The following RUNX1 variants were observed in gnomAD, a reference collection of about 807,000 sequenced individuals.
RUNX1 encodes RUNX family transcription factor 1, also known as runt-related transcription factor 1.
RUNX1 carries 19 observed loss-of-function variants against 42.8 expected under a neutral mutation model. The ratio of observed to expected loss-of-function variants is 0.44; its 90% CI spans 0.31 to 0.65. The LOEUF (loss-of-function observed/expected upper bound fraction) is 0.65, where lower values mean the gene tolerates loss of function less well. Among genes scored for constraint, RUNX1 ranks in the 30% least tolerant of loss-of-function variants. The pLI, the probability that RUNX1 is intolerant of heterozygous loss-of-function variation, is 0.07. For missense variants in RUNX1, 528 were observed against 672.0 expected, an observed-to-expected ratio of 0.79 and a Z score of 2.37; for synonymous variants, 271 against 289.4, an observed-to-expected ratio of 0.94 and a Z score of 0.64.
At chr21:34,966,044 A>T (rs564278042) in intron 2 of RUNX1, among the ~76,000 whole-genome samples, 1 of 149,666 alleles carries the variant, frequency 6.7e-6, no homozygotes, top group East Asian at 1.9e-4. Flanking sequence ...GGAGAAAGGC[A>T]CATTGGTGAG....
intron 6 of RUNX1, chr21:34,856,272 T>C (rs894460904): frequency 1.7e-5 from 8 of 481,218 alleles, no homozygotes; most frequent in Non-Finnish European, 3.3e-5. Flanking sequence ...AGATAACTGC[T>C]TTATTTAGTT....
chr21:34,851,992 C>T (rs1411746652), intron 6 of RUNX1, among the ~76,000 whole-genome samples: 1 of 152,076 alleles, frequency 6.6e-6, no homozygotes, highest in Non-Finnish European at 1.5e-5. Context: ...CACAGTGAAA[C>T]CCCATCTCTA....
chr21:34,967,797 G>A (rs2058732355), intron 2 of RUNX1, among the ~76,000 whole-genome samples: 1 of 152,152 alleles, frequency 6.6e-6, no homozygotes, highest in South Asian at 2.1e-4. Context: ...ACTCACTAGG[G>A]CAACTGCCTT....
rs571850156 is a variant in RUNX1 at position 35,011,039 on chromosome 21, C to T, written c.58+37803G>A. Reference sequence around the variant, plus strand: ...AGATACCACTACCAAAATCAAAATGCTATAAATAGAATGATATCTTTTGTT... The same window carrying T: ...AGATACCACTACCAAAATCAAAATGTTATAAATAGAATGATATCTTTTGTT... On this transcript the variant is annotated intron_variant, in intron 2 of 8. Coordinates refer to ENST00000675419, the MANE Select transcript of RUNX1 (RefSeq NM_001754.5). Among the ~76,000 whole-genome samples the T allele has an allele frequency of 7.2e-5, 11 of 152,260 alleles. No homozygotes were observed. The East Asian group carries it at 2.1e-3, about 29-fold the overall frequency.
rs1489677703 is a variant in RUNX1, at chr21:34,791,924, C to T, written c.*211G>A. On this transcript the variant is annotated 3_prime_UTR_variant, in exon 9 of 9. Coordinates refer to ENST00000675419, the MANE Select transcript of RUNX1 (RefSeq NM_001754.5). ...GGACACCTCCGCGAGGGCCGGGGCG[C>T]CAGCAGACGGCGGCGGCGTGGGCTT... 1.6e-5 allele frequency: 5 copies of T among 321,858 alleles called. No individual in the cohort carries two copies. Among genetic ancestry groups the T allele is most frequent in the African/African-American group, 1.1e-4 (5 of 45,632 alleles). The allele number at this position is 321,858 out of a possible 1,614,324, so 19.9% of individuals were successfully genotyped here.
At chr21:34,885,415 G>A (rs1251820498) in intron 4 of RUNX1, among the ~76,000 whole-genome samples, 1 of 152,048 alleles carries the variant, frequency 6.6e-6, no homozygotes, top group Non-Finnish European at 1.5e-5. Context: ...GTAAACGGAG[G>A]GAGGGAAAAA....
chr21:35,042,515 A>G (rs1124326), intron 2 of RUNX1, among the ~76,000 whole-genome samples: 149,098 of 152,342 alleles, frequency 0.98, 72,978 homozygotes, highest in East Asian at 1. Flanking sequence ...CATTGTCCTC[A>G]GTTCCCTCCA....
At position 34,851,587 on chromosome 21, in the gene RUNX1, G is replaced by C. The variant is rs550522327; in HGVS notation, c.613+7887C>G. ...AGAAACAGAAGCCTAAATGCAGACAGGGTTTTTTTTTTCTTATGGCATGTC... is the reference window on the plus strand; with the variant it reads ...AGAAACAGAAGCCTAAATGCAGACACGGTTTTTTTTTTCTTATGGCATGTC... On this transcript the variant is annotated intron_variant, in intron 6 of 8. Coordinates refer to ENST00000675419, the MANE Select transcript of RUNX1 (RefSeq NM_001754.5). Among the ~76,000 whole-genome samples the C allele has an allele frequency of 9.5e-4, 144 of 152,056 alleles. 1 individual carries two copies. The highest frequency in any genetic ancestry group is 3.3e-3 in the African/African-American group (138 of 41,454).
At chr21:34,934,422 T>C (rs2834678) in intron 2 of RUNX1, among the ~76,000 whole-genome samples, 1 of 151,994 alleles carries the variant, frequency 6.6e-6, no homozygotes, top group African/African-American at 2.4e-5. Flanking sequence ...ATGTCTGGCT[T>C]ACCACCCAAA....
intron 7 of RUNX1, chr21:34,833,651 A>G (rs2057097758): frequency 6.5e-6 from 1 of 154,998 alleles, no homozygotes. Context: ...ACTGTAAACC[A>G]TATCACACAC....
chr21:34,799,020 GT>G (rs1407387510), intron 8 of RUNX1, among the ~76,000 whole-genome samples: 1 of 152,108 alleles, frequency 6.6e-6, no homozygotes, highest in African/African-American at 2.4e-5. Flanking sequence ...TTTTTATATT[GT>G]TCTTAACCCT....
At chr21:34,795,495 A>G (rs1395143118) in intron 8 of RUNX1, among the ~76,000 whole-genome samples, 1 of 152,238 alleles carries the variant, frequency 6.6e-6, no homozygotes, top group African/African-American at 2.4e-5. Context: ...AAGTTTATAG[A>G]AACAGCCCAA....
chr21:34,893,768 CTGT>C (rs1265930179), intron 2 of RUNX1, among the ~76,000 whole-genome samples: 4 of 133,586 alleles, frequency 3.0e-5, no homozygotes, highest in African/African-American at 9.5e-5. Flanking sequence ...ATTTAGTATG[CTGT>C]TTTTTTTTTT....
At chr21:34,969,913 C>T (rs2058750151) in intron 2 of RUNX1, among the ~76,000 whole-genome samples, 1 of 152,156 alleles carries the variant, frequency 6.6e-6, no homozygotes, top group African/African-American at 2.4e-5. Context: ...ATGTGGGATA[C>T]AGAACATTTT....
At chr21:34,965,392 C>T (rs2058711681) in intron 2 of RUNX1, among the ~76,000 whole-genome samples, 3 of 152,082 alleles carry the variant, frequency 2.0e-5, no homozygotes, top group African/African-American at 7.2e-5. Flanking sequence ...CTCGCAGCCT[C>T]GGGTTTAGTC....
intron 6 of RUNX1, among the ~76,000 whole-genome samples, chr21:34,842,676 A>T (rs913960961): frequency 1.3e-5 from 2 of 152,060 alleles, no homozygotes; most frequent in African/African-American, 4.8e-5. Flanking sequence ...GCACACACAG[A>T]GAGACATACA....
intron 3 of RUNX1, chr21:34,888,371 T>C: frequency 9.4e-7 from 1 of 1,067,590 alleles, no homozygotes; most frequent in Non-Finnish European, 1.1e-6. Flanking sequence ...ACTTCACGGC[T>C]CGCCTCGGAC....
At chr21:35,020,519 C>T (rs1177196329) in intron 2 of RUNX1, among the ~76,000 whole-genome samples, 1 of 152,152 alleles carries the variant, frequency 6.6e-6, no homozygotes, top group Admixed American at 6.5e-5. Flanking sequence ...AAGTAGAAGG[C>T]AATGAGACCC....
rs1398629695 is a variant in RUNX1, at chr21:34,896,838, G to A, written c.59-3875C>T. Among the ~76,000 whole-genome samples, 4 of 152,222 alleles carry A rather than the reference G, an allele frequency of 2.6e-5. No individual in the cohort carries two copies. The South Asian group carries it at 6.2e-4, about 24-fold the overall frequency. On this transcript the variant is annotated intron_variant, in intron 2 of 8. Transcript: ENST00000675419. ...GTGCCATGTAACCTTTGCCAAAGGA[G>A]CTTCAGTTGAGTGGCAGCAGCAGAA...
Sources: gnomAD v4.1 joint callset for allele counts (sites outside exome capture counted in the v4.1 genomes callset) on GRCh38, gnomAD v4.1.1 for gene constraint, MANE v1.5 for transcripts, NCBI Gene and HGNC (gene_info 2026-07-23, HGNC 2026-07-21) for gene names.